XKR4: variants seen among roughly 807,000 people sequenced by gnomAD.
The protein encoded by XKR4 is XK-related protein 4.
XKR4 carries 12 observed loss-of-function variants against 53.9 expected under a neutral mutation model. That is an observed-to-expected ratio of 0.22 (90% CI 0.14 to 0.36). The LOEUF (loss-of-function observed/expected upper bound fraction) is 0.36. XKR4 is among the 10% of genes least tolerant of loss of function. The pLI is 1.00. For missense variants in XKR4, 799 were observed against 859.5 expected, an observed-to-expected ratio of 0.93 and a Z score of 0.88; for synonymous variants, 354 against 362.4, an observed-to-expected ratio of 0.98 and a Z score of 0.26.
chr8:55,485,742 T>C (rs1806181412), intron 2 of XKR4, among the ~76,000 whole-genome samples: 1 of 152,200 alleles, frequency 6.6e-6, no homozygotes, highest in Middle Eastern at 3.4e-3. Flanking sequence ...GCTACTGTAC[T>C]CCTTCTGGTT....
intron 2 of XKR4, among the ~76,000 whole-genome samples, chr8:55,364,918 A>G (rs759253352): frequency 2.0e-5 from 3 of 151,968 alleles, no homozygotes; most frequent in Non-Finnish European, 4.4e-5. Flanking sequence ...GAGCCACCAC[A>G]CCCGACCAAT....
intron 1 of XKR4, among the ~76,000 whole-genome samples, chr8:55,146,250 A>G (rs547493757): frequency 6.6e-6 from 1 of 152,342 alleles, no homozygotes; most frequent in Admixed American, 6.5e-5. Flanking sequence ...GAACCTTCCT[A>G]AACCGCTGAC....
intron 1 of XKR4, among the ~76,000 whole-genome samples, chr8:55,210,813 A>G (rs1344857332): frequency 1.3e-5 from 2 of 152,212 alleles, no homozygotes; most frequent in African/African-American, 4.8e-5. Context: ...AGGCTTTTAT[A>G]AGAAATTGAC....
chr8:55,451,774 C>G, intron 2 of XKR4: 1 of 1,070,182 alleles, frequency 9.3e-7, no homozygotes, highest in South Asian at 1.3e-5. Flanking sequence ...GCTCAGGGGG[C>G]CCAGGCCAAG....
chr8:55,389,469 A>C (rs1180867747), intron 2 of XKR4, among the ~76,000 whole-genome samples: 1 of 152,254 alleles, frequency 6.6e-6, no homozygotes, highest in Non-Finnish European at 1.5e-5. Context: ...TGAAGACTAC[A>C]TACTGGCTAA....
intron 2 of XKR4, among the ~76,000 whole-genome samples, chr8:55,376,688 C>G (rs1035415900): frequency 2.0e-5 from 3 of 151,926 alleles, no homozygotes; most frequent in Non-Finnish European, 4.4e-5. Context: ...AATCTTTTTT[C>G]TCACAAGCTC....
chr8:55,439,319 T>A (rs1016004288), intron 2 of XKR4, among the ~76,000 whole-genome samples: 1 of 93,434 alleles, frequency 1.1e-5, no homozygotes, highest in African/African-American at 5.4e-5. Context: ...CCAAAGAAGA[T>A]GCGCTCCTTC....
rs143356192 is a variant in XKR4, at chr8:55,202,798, A to G, written c.806+99504A>G. Among the ~76,000 whole-genome samples the G allele has an allele frequency of 5.7e-3, 874 of 152,370 alleles. 14 individuals are homozygous for G. The highest frequency in any genetic ancestry group is 0.048 in the Middle Eastern group (14 of 294). The stretch of plus-strand genomic sequence containing the variant: ...TGAAAAACAAAATGAGACCATTTCT[A>G]AAGTCAAAGGCTCAAAGGCAAACTT... On this transcript the variant is annotated intron_variant, in intron 1 of 2. Coordinates refer to ENST00000327381, the MANE Select transcript of XKR4 (RefSeq NM_052898.2).
At chr8:55,235,194 T>C (rs577435982) in intron 1 of XKR4, among the ~76,000 whole-genome samples, 7 of 152,280 alleles carry the variant, frequency 4.6e-5, no homozygotes, top group African/African-American at 1.2e-4. Flanking sequence ...CACATGGCCT[T>C]CTCCTCTGTA....
At chr8:55,421,064 T>C (rs1399018958) in intron 2 of XKR4, among the ~76,000 whole-genome samples, 2 of 152,180 alleles carry the variant, frequency 1.3e-5, no homozygotes, top group Non-Finnish European at 2.9e-5. Flanking sequence ...TAAGTGAAAT[T>C]GACTTTTTAT....
At chr8:55,174,836 T>C (rs1817210189) in intron 1 of XKR4, among the ~76,000 whole-genome samples, 1 of 152,128 alleles carries the variant, frequency 6.6e-6, no homozygotes, top group South Asian at 2.1e-4. Context: ...CAGAAACATC[T>C]CATGGAGCAG....
intron 1 of XKR4, among the ~76,000 whole-genome samples, chr8:55,343,552 C>A (rs369116225): frequency 1.1e-4 from 17 of 152,298 alleles, no homozygotes; most frequent in South Asian, 1.0e-3. Context: ...TAGACCAAAC[C>A]TGCCAATGTA....
intron 1 of XKR4, among the ~76,000 whole-genome samples, chr8:55,180,286 C>A (rs186599814): frequency 1.4e-4 from 21 of 152,316 alleles, no homozygotes; most frequent in African/African-American, 4.3e-4. Context: ...TATACCTTTA[C>A]ATGAATGAGC....
intron 1 of XKR4, among the ~76,000 whole-genome samples, chr8:55,271,091 T>C (rs543003491): frequency 1.3e-5 from 2 of 150,672 alleles, no homozygotes; most frequent in Admixed American, 6.6e-5. Flanking sequence ...AGACTTCCCC[T>C]TTTTTTTTAA....
chr8:55,384,807 T>C (rs1182112736), intron 2 of XKR4, among the ~76,000 whole-genome samples: 1 of 152,238 alleles, frequency 6.6e-6, no homozygotes, highest in Non-Finnish European at 1.5e-5. Flanking sequence ...CTCCAATGTG[T>C]GTTTATAAGG....
At chr8:55,282,546 A>G (rs531766142) in intron 1 of XKR4, among the ~76,000 whole-genome samples, 5 of 152,150 alleles carry the variant, frequency 3.3e-5, no homozygotes, top group Non-Finnish European at 7.3e-5. Flanking sequence ...GAGGGATGCC[A>G]CACTCTTTGA....
intron 1 of XKR4, among the ~76,000 whole-genome samples, chr8:55,290,836 C>T (rs1401077687): frequency 2.6e-5 from 4 of 152,036 alleles, no homozygotes; most frequent in African/African-American, 4.8e-5. Flanking sequence ...GTGGGAAAAA[C>T]AGACTTTGTC....
chr8:55,274,343 T>C (rs939500887), intron 1 of XKR4, among the ~76,000 whole-genome samples: 7 of 152,200 alleles, frequency 4.6e-5, no homozygotes, highest in African/African-American at 1.7e-4. Context: ...GCCTCTCTCC[T>C]TAGCTTGCAG....
rs528088464 is a variant in XKR4, at chr8:55,480,017, T to C, written c.1007-43264T>C. ...GTCCTTCTGAAACTATTCCAATCAA[T>C]AGAAAAAGAGGGAATCCTCCCTAAC... On this transcript the variant is annotated intron_variant, in intron 2 of 2. Transcript: ENST00000327381. Among the ~76,000 whole-genome samples, 381 of 137,966 alleles carry C rather than the reference T, an allele frequency of 2.8e-3. 2 individuals are homozygous for C. Among genetic ancestry groups the C allele is most frequent in the Non-Finnish European group, 4.2e-3 (273 of 65,740 alleles). The allele number at this position is 137,966 out of a possible 152,430, so 90.5% of individuals were successfully genotyped here.
Sources: allele counts gnomAD v4.1 joint callset (sites outside exome capture counted in the v4.1 genomes callset), GRCh38; gene constraint gnomAD v4.1.1; transcripts MANE v1.5; gene names NCBI Gene and HGNC (gene_info 2026-07-23, HGNC 2026-07-21).